The following UBE3C variants were observed in gnomAD, a reference collection of about 807,000 sequenced individuals.
UBE3C encodes the protein ubiquitin-protein ligase E3C.
A neutral mutation model predicts 129.4 loss-of-function variants in UBE3C; 42 were observed. The ratio of observed to expected loss-of-function variants is 0.32; its 90% confidence interval spans 0.25 to 0.42. The LOEUF is 0.42. UBE3C is among the 10% of genes least tolerant of loss of function. The pLI is 1.00. For missense variants in UBE3C, 1,049 were observed against 1,319.1 expected (o/e 0.80, Z 3.17); for synonymous variants, 510 against 492.4 (o/e 1.04, Z -0.47).
chr7:157,174,069 A>C (rs779663816), intron 4 of UBE3C, among the ~76,000 whole-genome samples: 46 of 152,222 alleles, frequency 3.0e-4, no homozygotes, highest in Admixed American at 8.5e-4. Context: ...GCTACACTTA[A>C]GAGGCTATCT....
intron 18 of UBE3C, among the ~76,000 whole-genome samples, chr7:157,232,454 G>A (rs1012596107): frequency 3.3e-5 from 5 of 152,138 alleles, no homozygotes; most frequent in Admixed American, 3.3e-4. Flanking sequence ...CACCTCTCAG[G>A]TTCAAGGGAT....
chr7:157,167,452 A>G (rs920130513), intron 2 of UBE3C, among the ~76,000 whole-genome samples: 1 of 152,170 alleles, frequency 6.6e-6, no homozygotes, highest in Non-Finnish European at 1.5e-5. Flanking sequence ...TTTTTATAGC[A>G]GTCTCAGTTT....
At chr7:157,256,565 C>T (rs906228468) in intron 21 of UBE3C, 5 of 165,316 alleles carry the variant, frequency 3.0e-5, no homozygotes, top group South Asian at 1.9e-4. Flanking sequence ...CATTTACAAT[C>T]GGTCCTTCAT....
At chr7:157,165,811 A>G (rs1234277858) in intron 2 of UBE3C, among the ~76,000 whole-genome samples, 1 of 152,118 alleles carries the variant, frequency 6.6e-6, no homozygotes, top group Non-Finnish European at 1.5e-5. Context: ...CTTGAACATA[A>G]TTATAGATTT....
chr7:157,177,601 C>T (rs750264465), intron 5 of UBE3C, among the ~76,000 whole-genome samples: 19 of 152,240 alleles, frequency 1.2e-4, no homozygotes, highest in African/African-American at 3.6e-4. Flanking sequence ...CTCCTGCACT[C>T]GTACACCCCT....
intron 18 of UBE3C, among the ~76,000 whole-genome samples, chr7:157,236,497 T>C (rs986017399): frequency 6.6e-6 from 1 of 152,226 alleles, no homozygotes; most frequent in Non-Finnish European, 1.5e-5. Context: ...GAATTCAGTG[T>C]GCATTTAATG....
intron 1 of UBE3C, among the ~76,000 whole-genome samples, chr7:157,162,058 G>A (rs796754568): frequency 6.6e-5 from 10 of 152,032 alleles, no homozygotes; most frequent in African/African-American, 1.4e-4. Flanking sequence ...GACAGAGCAC[G>A]ACTCTGTCTC....
chr7:157,185,958 A>T (rs1364256801), intron 9 of UBE3C, among the ~76,000 whole-genome samples: 1 of 152,142 alleles, frequency 6.6e-6, no homozygotes, highest in African/African-American at 2.4e-5. Context: ...ATATATATTC[A>T]CATTCATATA....
intron 9 of UBE3C, among the ~76,000 whole-genome samples, chr7:157,185,690 T>G (rs546400831): frequency 6.6e-6 from 1 of 152,306 alleles, no homozygotes; most frequent in South Asian, 2.1e-4. Flanking sequence ...TCTTTTGCCT[T>G]TAGGTTTCTG....
intron 18 of UBE3C, among the ~76,000 whole-genome samples, chr7:157,247,018 G>A (rs1376438142): frequency 2.6e-5 from 4 of 152,090 alleles, no homozygotes; most frequent in South Asian, 2.1e-4. Flanking sequence ...AGCCTCCCAA[G>A]TAGCTGGGAT....
chr7:157,249,441 G>A (rs1184979963), intron 19 of UBE3C, among the ~76,000 whole-genome samples: 6 of 151,842 alleles, frequency 4.0e-5, no homozygotes, highest in South Asian at 2.1e-4. Flanking sequence ...CCAGCTTCCC[G>A]AGTAGCTGGG....
At chr7:157,143,188 A>G (rs961541121) in intron 1 of UBE3C, among the ~76,000 whole-genome samples, 1 of 152,020 alleles carries the variant, frequency 6.6e-6, no homozygotes, top group Non-Finnish European at 1.5e-5. Context: ...TTTAAGTCAC[A>G]CTGATTTCTA....
At chr7:157,220,519 T>C in intron 14 of UBE3C, 170 bp from the exon 15 acceptor site, 1 of 557,208 alleles carries the variant, frequency 1.8e-6, no homozygotes, top group Non-Finnish European at 3.1e-6. Flanking sequence ...ACAGCTAGCA[T>C]GAGAGAGGAC....
intron 1 of UBE3C, among the ~76,000 whole-genome samples, chr7:157,159,043 C>T (rs112010840): frequency 0.012 from 1,830 of 152,262 alleles, 35 homozygotes; most frequent in South Asian, 0.052. Flanking sequence ...CTGTGAAAGG[C>T]GGAGACTTAA....
At chr7:157,220,577 AG>A (rs1795710014) in intron 14 of UBE3C, 111 bp from the exon 15 acceptor site, 1 of 1,210,158 alleles carries the variant, frequency 8.3e-7, no homozygotes, top group African/African-American at 1.5e-5. Flanking sequence ...GGTCAGAGAG[AG>A]GGCCCAGCCC....
rs1032097578 is a variant in UBE3C, at chr7:157,208,677, T to C, written c.1809+742T>C. Among the ~76,000 whole-genome samples the C allele has an allele frequency of 1.3e-5, 2 of 152,328 alleles. 1 individual carries two copies. Among genetic ancestry groups the C allele is most frequent in the Admixed American group, 1.3e-4 (2 of 15,300 alleles). ...GTAGGTCATTAATTTTTAATGCTAG[T>C]TGTATATAAATTATTTTAACATATC... On this transcript the variant is annotated intron_variant, in intron 13 of 22. Transcript: ENST00000348165.
At chr7:157,210,789 C>G (rs1262146142) in intron 13 of UBE3C, among the ~76,000 whole-genome samples, 1 of 152,166 alleles carries the variant, frequency 6.6e-6, no homozygotes, top group African/African-American at 2.4e-5. Context: ...TCCTTCAACA[C>G]CGACCATTTT....
chr7:157,184,731 G>T (rs1049166424), intron 9 of UBE3C, among the ~76,000 whole-genome samples: 9 of 152,194 alleles, frequency 5.9e-5, no homozygotes, highest in Admixed American at 5.9e-4. Context: ...TTAGAATATT[G>T]TGAAGTGGGT....
chr7:157,163,896 G>A (rs777749429), intron 2 of UBE3C, 33 bp downstream of exon 2: 5 of 1,598,488 alleles, frequency 3.1e-6, no homozygotes, highest in East Asian at 4.5e-5. Context: ...CTGTAGATAA[G>A]CATTTTTTCT....
Sources: allele counts gnomAD v4.1 joint callset (sites outside exome capture counted in the v4.1 genomes callset), GRCh38; gene constraint gnomAD v4.1.1; transcripts MANE v1.5; gene names NCBI Gene and HGNC (gene_info 2026-07-23, HGNC 2026-07-21).